Variants in MNT observed in about 807,000 individuals in gnomAD.
MNT encodes max-binding protein MNT.
MNT carries 13 observed loss-of-function variants against 40.7 expected under a neutral mutation model. That is an observed-to-expected ratio of 0.32 (90% confidence interval 0.21 to 0.51). The LOEUF (loss-of-function observed/expected upper bound fraction) is 0.51. Ranked by LOEUF, MNT falls within the 20% of genes least tolerant of loss-of-function variation. MNT has a pLI of 0.98. For synonymous variants in MNT, 426 were observed against 354.8 expected, an observed-to-expected ratio of 1.20 and a Z score of -2.26; for missense variants, 757 against 792.0, an observed-to-expected ratio of 0.96 and a Z score of 0.53.
chr17:2,389,582 GT>G (rs1421733838), intron 4 of MNT: 1 of 152,280 alleles, frequency 6.6e-6, no homozygotes, highest in African/African-American at 2.4e-5. Flanking sequence ...GCCTACTAGT[GT>G]TTTATCTTTG....
chr17:2,384,266 G>A lies in MNT; in HGVS notation c.*2635C>T, dbSNP rs1225310494. On this transcript the variant is annotated 3_prime_UTR_variant, in exon 6 of 6. Transcript: ENST00000174618. ...TTTTTTTTTTTTCCACACAGCAGAT[G>A]TATCCAAACACATAAAAATCTCTAC... 1.3e-5 allele frequency: 2 copies of A among 150,612 alleles called. No individual in the cohort carries two copies. The highest frequency in any genetic ancestry group is 3.0e-5 in the Non-Finnish European group (2 of 67,706). 9.3% of individuals were successfully genotyped at this position (150,612 alleles called of 1,614,324 possible).
At chr17:2,390,375 G>T (rs146663632) in intron 4 of MNT, 1 of 152,428 alleles carries the variant, frequency 6.6e-6, no homozygotes, top group East Asian at 1.9e-4. Flanking sequence ...GTACTGGTCC[G>T]TGGCCTGTCA....
At chr17:2,388,076 G>A in intron 4 of MNT, 27 bp from the exon 5 acceptor site, 4 of 1,535,440 alleles carry the variant, frequency 2.6e-6, no homozygotes, top group Non-Finnish European at 3.5e-6. Flanking sequence ...GGGACAGCAG[G>A]ACACCCTGAG....
chr17:2,393,495 G>A (rs376450441), intron 4 of MNT, among the ~76,000 whole-genome samples: 7 of 152,174 alleles, frequency 4.6e-5, no homozygotes, highest in Admixed American at 4.6e-4. Context: ...CCCCGCCCCA[G>A]GCGTAACCCC....
rs774222187 is a variant in MNT at position 2,395,159 on chromosome 17, C to A, written c.369G>T (p.Leu123=). 3.4e-6 allele frequency: 5 copies of A among 1,452,310 alleles called. No individual in the cohort carries two copies. The highest frequency in any genetic ancestry group is 4.5e-6 in the Non-Finnish European group (5 of 1,106,724). The allele number at this position is 1,452,310 out of a possible 1,614,324, so 90.0% of individuals were successfully genotyped here. A position where few individuals can be genotyped will look rare whatever the true frequency, so the allele number is the denominator to read the frequency against. ...TAATGCTGAGTCCGGGGGCGCCAAC[C>A]AGGGCCGGCTGACGAGGCGCCAGGG... is the stretch of plus-strand genomic sequence containing the variant. The part of the protein sequence containing the change: ...PLPLAPRQPA[L]VGAPGLSIKE... Residue 123 remains leucine, a synonymous_variant, in exon 2 of 6, where the codon CTG becomes CTT. Transcript: ENST00000174618.
At chr17:2,390,865 T>A (rs2066507771) in intron 4 of MNT, 1 of 152,228 alleles carries the variant, frequency 6.6e-6, no homozygotes, top group African/African-American at 2.4e-5. Flanking sequence ...ACCTGGCAGC[T>A]TGACACTTCT....
chr17:2,395,210 G>A lies in MNT; in HGVS notation c.318C>T (p.Pro106=). 2 of 1,465,814 alleles carry A rather than the reference G, an allele frequency of 1.4e-6. No individual in the cohort carries two copies. Among genetic ancestry groups the A allele is most frequent in the Non-Finnish European group, 1.8e-6 (2 of 1,109,304 alleles). The allele number at this position is 1,465,814 out of a possible 1,614,324, so 90.8% of individuals were successfully genotyped here. A position where few individuals can be genotyped will look rare whatever the true frequency, so the allele number is the denominator to read the frequency against. The change falls in exon 2 of 6, where the codon CCC becomes CCT. Residue 106 remains proline, a synonymous_variant. Coordinates refer to ENST00000174618, the MANE Select transcript of MNT (RefSeq NM_020310.3). ...GCAGAGGCTGGGCTGCCGCGGGCAA[G>A]GGTGGGGGTGGGGGTAGAGGCTGAG... ...NSPQPLPPPP[P]LPAAAQPLPL... is the part of the protein sequence containing the mutation.
chr17:2,396,110 T>C (rs2066576807), intron 1 of MNT, among the ~76,000 whole-genome samples: 1 of 150,706 alleles, frequency 6.6e-6, no homozygotes, highest in Non-Finnish European at 1.5e-5. Flanking sequence ...AGTCCCTGGA[T>C]CCTCACAAGA....
intron 2 of MNT, 35 bp downstream of exon 2, chr17:2,394,840 C>T (rs1224607659): frequency 7.4e-6 from 11 of 1,496,482 alleles, no homozygotes; most frequent in Non-Finnish European, 1.0e-5. Flanking sequence ...CCTCTCCTAT[C>T]CCCCACCAGC....
intron 2 of MNT, among the ~76,000 whole-genome samples, chr17:2,394,648 C>G (rs762902129): frequency 1.3e-5 from 2 of 152,176 alleles, no homozygotes; most frequent in Non-Finnish European, 2.9e-5. Flanking sequence ...GTCCAGAGGC[C>G]TGGGAATGCC....
chr17:2,393,222 C>A (rs1567867842), intron 4 of MNT, among the ~76,000 whole-genome samples: 1 of 151,790 alleles, frequency 6.6e-6, no homozygotes, highest in Non-Finnish European at 1.5e-5. Flanking sequence ...GCCCATCCCC[C>A]ACAGCCTCCG....
At chr17:2,397,392 T>C (rs1298776121) in intron 1 of MNT, among the ~76,000 whole-genome samples, 1 of 151,878 alleles carries the variant, frequency 6.6e-6, no homozygotes, top group Non-Finnish European at 1.5e-5. Context: ...ACACAGACCC[T>C]GCCTCCATTC....
rs777481784 is a variant in MNT, at chr17:2,387,529, G to A, written c.1121C>T (p.Thr374Ile). The change falls in exon 6 of 6, where the codon ACC (threonine) becomes ATC (isoleucine). Residue 374 changes from threonine (T) to isoleucine (I), a missense_variant. By Grantham distance (89) the Thr-to-Ile change is moderately conservative. Around this residue, in one of 4 missense-constraint regions of MNT, gnomAD observed 345 missense variants for 380.1 expected, o/e 0.91. Transcript: ENST00000174618. ...TGGGTGTGGAGGCAGAGGCGCAGGG[G>A]TGGTGCTGGGGGGTGGCAGGGTGGA... Reference protein sequence around the residue: ...LKSTLPPPSTTPAPLPPHPHP... With the variant: ...LKSTLPPPSTIPAPLPPHPHP... 3.1e-5 allele frequency: 50 copies of A among 1,613,252 alleles called. No homozygotes were observed. The highest frequency in any genetic ancestry group is 3.6e-5 in the Non-Finnish European group (42 of 1,179,828).
Position 2,395,373 on chromosome 17 carries a change from G to T in MNT, c.155C>A (p.Thr52Asn), listed in dbSNP as rs756880991. 1.9e-6 allele frequency: 3 copies of T among 1,613,620 alleles called. No homozygotes were observed. The South Asian group carries it at 3.3e-5, about 18-fold the overall frequency. ...CATGCGGGGTTCCTCCACAGGAAGGGTATGTGCCAGCCTGGCCAGGCTATT... is the reference window on the plus strand; with the variant it reads ...CATGCGGGGTTCCTCCACAGGAAGGTTATGTGCCAGCCTGGCCAGGCTATT... ...KANSLARLAH[T>N]LPVEEPRMEA... The change falls in exon 2 of 6, where the codon ACC becomes AAC. Residue 52 changes from threonine to asparagine, a missense_variant. Thr to Asn is a moderately conservative substitution (Grantham distance 65, BLOSUM62 0). Coordinates refer to ENST00000174618, the MANE Select transcript of MNT (RefSeq NM_020310.3).
rs1483202925 is a variant in MNT, at chr17:2,386,749, CAG to C, written c.*150_*151del. ...AGGGTGGCCCTTCCCTCCCTTGGCTCAGAGTCTTTGCACCCCCTTCCCCTAGG... is the reference window on the plus strand; with the variant it reads ...AGGGTGGCCCTTCCCTCCCTTGGCTCAGTCTTTGCACCCCCTTCCCCTAGG... On this transcript the variant is annotated 3_prime_UTR_variant, in exon 6 of 6. Transcript: ENST00000174618. 7 of 737,074 alleles carry C rather than the reference CAG, an allele frequency of 9.5e-6. No individual in the cohort carries two copies. The highest frequency in any genetic ancestry group is 4.0e-5 in the Admixed American group (1 of 25,166). 45.7% of individuals were successfully genotyped at this position (737,074 alleles called of 1,614,324 possible).
intron 1 of MNT, among the ~76,000 whole-genome samples, chr17:2,399,549 C>A (rs1406268597): frequency 6.6e-6 from 1 of 152,168 alleles, no homozygotes; most frequent in African/African-American, 2.4e-5. Flanking sequence ...CAGGTGAGCT[C>A]GGCTCCTCCC....
intron 1 of MNT, among the ~76,000 whole-genome samples, chr17:2,399,124 G>A (rs552777239): frequency 6.6e-6 from 1 of 152,130 alleles, no homozygotes; most frequent in East Asian, 1.9e-4. Context: ...GAAAGGAAAG[G>A]AGGGCGAAGC....
In MNT at chr17:2,394,088, C is replaced by T. The variant is rs567026636; in HGVS notation, c.762G>A (p.Lys254=). The T allele has an allele frequency of 6.8e-6, 11 of 1,609,042 alleles. No individual in the cohort carries two copies. In the South Asian group the frequency reaches 1.1e-4, roughly 16 times the overall value. Residue 254 remains lysine, a synonymous_variant, in exon 4 of 6, where the codon AAG becomes AAA. Coordinates refer to ENST00000174618, the MANE Select transcript of MNT (RefSeq NM_020310.3). ...KRNIPNVDDK[K]TSNLSVLRTA... is the part of the protein sequence containing the mutation. Reference sequence around the variant, plus strand: ...TCCGCAGCACGCTCAGATTGGACGTCTTCTTGTCATCCACGTTGGGGATGT... The same window carrying T: ...TCCGCAGCACGCTCAGATTGGACGTTTTCTTGTCATCCACGTTGGGGATGT...
At chr17:2,393,987 G>T in intron 4 of MNT, 56 bp downstream of exon 4, 1 of 1,296,582 alleles carries the variant, frequency 7.7e-7, no homozygotes, top group Non-Finnish European at 1.1e-6. Flanking sequence ...GCCGGGGGAG[G>T]GGCGGCGGAG....
Sources: gnomAD v4.1 joint callset for allele counts (sites outside exome capture counted in the v4.1 genomes callset) on GRCh38, gnomAD v4.1.1 for gene constraint, gnomAD v4.1.1 regional missense constraint, MANE v1.5 for transcripts, NCBI Gene and HGNC (gene_info 2026-07-23, HGNC 2026-07-21) for gene names.